The following TSPAN5 variants were observed in gnomAD, a reference collection of about 807,000 sequenced individuals.
The protein encoded by TSPAN5 is tetraspanin-5.
In TSPAN5, 10 loss-of-function variants were observed where a neutral mutation model predicts 37.1. That is an observed-to-expected ratio of 0.27 (90% CI 0.17 to 0.46). TSPAN5 has a LOEUF of 0.46. Among genes scored for constraint, TSPAN5 ranks in the 20% least tolerant of loss-of-function variants. The pLI, the probability that TSPAN5 is intolerant of heterozygous loss-of-function variation, is 1.00. For synonymous variants in TSPAN5, 110 were observed against 118.9 expected (o/e 0.93, Z 0.48); for missense variants, 195 against 326.6 (o/e 0.60, Z 3.11).
intron 1 of TSPAN5, among the ~76,000 whole-genome samples, chr4:98,579,595 C>T (rs545448611): frequency 6.9e-4 from 105 of 152,280 alleles, no homozygotes; most frequent in Admixed American, 1.8e-3. Context: ...ATTTTTCCCA[C>T]TAAAATTGTA....
chr4:98,527,032 T>G (rs1422175821), intron 1 of TSPAN5, among the ~76,000 whole-genome samples: 1 of 152,176 alleles, frequency 6.6e-6, no homozygotes. Flanking sequence ...TTTTGTACTG[T>G]TTTTTGCCTT....
At chr4:98,590,900 AG>A (rs748092081) in intron 1 of TSPAN5, among the ~76,000 whole-genome samples, 9 of 152,116 alleles carry the variant, frequency 5.9e-5, no homozygotes, top group Non-Finnish European at 8.8e-5. Context: ...CCATCCACAC[AG>A]GAACCTGAGA....
intron 1 of TSPAN5, among the ~76,000 whole-genome samples, chr4:98,643,647 C>T (rs540034665): frequency 1.1e-4 from 16 of 152,118 alleles, no homozygotes; most frequent in Non-Finnish European, 1.8e-4. Flanking sequence ...CAAATCTTCA[C>T]TGGACAGCAA....
chr4:98,545,705 T>C (rs1212244789), intron 1 of TSPAN5, among the ~76,000 whole-genome samples: 1 of 152,144 alleles, frequency 6.6e-6, no homozygotes, highest in Admixed American at 6.5e-5. Context: ...AATTTCTTTG[T>C]ATTTTTTGTA....
intron 1 of TSPAN5, among the ~76,000 whole-genome samples, chr4:98,536,472 G>A (rs1322689462): frequency 1.3e-5 from 2 of 152,190 alleles, no homozygotes; most frequent in African/African-American, 4.8e-5. Context: ...AGATACACAG[G>A]GGTCAGGGAC....
intron 1 of TSPAN5, among the ~76,000 whole-genome samples, chr4:98,512,079 G>A (rs1753618738): frequency 6.6e-6 from 1 of 152,140 alleles, no homozygotes; most frequent in African/African-American, 2.4e-5. Flanking sequence ...TGGACGTGGT[G>A]GTGCACACCT....
intron 1 of TSPAN5, among the ~76,000 whole-genome samples, chr4:98,559,589 T>C (rs960219744): frequency 1.6e-4 from 24 of 152,188 alleles, no homozygotes; most frequent in Non-Finnish European, 4.4e-5. Flanking sequence ...TTTCCTTGAA[T>C]TACTTTAATA....
Position 98,658,277 on chromosome 4 carries a change from G to A in TSPAN5, c.-51C>T, listed in dbSNP as rs372103731. 765 of 1,473,676 alleles carry A rather than the reference G, an allele frequency of 5.2e-4. No individual in the cohort carries two copies. The highest frequency in any genetic ancestry group is 6.5e-4 in the Non-Finnish European group (688 of 1,052,204). The allele number at this position is 1,473,676 out of a possible 1,614,324, so 91.3% of individuals were successfully genotyped here. On this transcript the variant is annotated 5_prime_UTR_variant, in exon 1 of 8. Coordinates refer to ENST00000305798, the MANE Select transcript of TSPAN5 (RefSeq NM_005723.4). ...CCCGGCAGCCCGAGTTTGGAGCTCC[G>A]AAGCACCGTTGCTCGGAGCAGCCCG...
intron 1 of TSPAN5, among the ~76,000 whole-genome samples, chr4:98,624,878 T>C (rs1216242731): frequency 6.6e-6 from 1 of 151,856 alleles, no homozygotes; most frequent in Non-Finnish European, 1.5e-5. Context: ...TGATCATAAA[T>C]ACACAAGACT....
chr4:98,649,230 T>G (rs960280930), intron 1 of TSPAN5, among the ~76,000 whole-genome samples: 5 of 152,150 alleles, frequency 3.3e-5, no homozygotes, highest in African/African-American at 1.2e-4. Context: ...CAAGCTTTTC[T>G]GGAGGAAAGA....
chr4:98,576,210 C>T (rs1755233523), intron 1 of TSPAN5, among the ~76,000 whole-genome samples: 1 of 151,820 alleles, frequency 6.6e-6, no homozygotes, highest in South Asian at 2.1e-4. Context: ...TTCCTCTTTC[C>T]CCCTCAATTC....
intron 1 of TSPAN5, among the ~76,000 whole-genome samples, chr4:98,656,610 T>G (rs1178805452): frequency 1.3e-5 from 2 of 152,190 alleles, no homozygotes; most frequent in East Asian, 3.9e-4. Flanking sequence ...GGTGGGTGAC[T>G]GCTCCCGGGA....
At chr4:98,553,406 T>C (rs968822090) in intron 1 of TSPAN5, among the ~76,000 whole-genome samples, 1 of 152,188 alleles carries the variant, frequency 6.6e-6, no homozygotes, top group Non-Finnish European at 1.5e-5. Flanking sequence ...TACAGAAAAT[T>C]AGAACAAAAA....
chr4:98,585,346 G>C (rs1376527398), intron 1 of TSPAN5, among the ~76,000 whole-genome samples: 2 of 151,526 alleles, frequency 1.3e-5, no homozygotes, highest in Admixed American at 1.3e-4. Context: ...GTCTTGCTCT[G>C]TCACACAGAC....
At chr4:98,583,414 C>T (rs148662352) in intron 1 of TSPAN5, among the ~76,000 whole-genome samples, 10 of 152,226 alleles carry the variant, frequency 6.6e-5, no homozygotes, top group Admixed American at 6.5e-4. Context: ...CTCCTCCCAC[C>T]CTCCACCCTC....
At chr4:98,590,207 T>C (rs1396382058) in intron 1 of TSPAN5, among the ~76,000 whole-genome samples, 1 of 152,146 alleles carries the variant, frequency 6.6e-6, no homozygotes, top group Non-Finnish European at 1.5e-5. Context: ...ATAAAATGAA[T>C]AGGGTGCTGC....
rs1352780258 is a variant in TSPAN5 at position 98,656,678 on chromosome 4, C to A, written c.81+1468G>T. Among the ~76,000 whole-genome samples, 4 of 152,318 alleles carry A rather than the reference C, an allele frequency of 2.6e-5. No homozygotes were observed. The East Asian group carries it at 7.7e-4, about 29-fold the overall frequency. On this transcript the variant is annotated intron_variant, in intron 1 of 7. Coordinates refer to ENST00000305798, the MANE Select transcript of TSPAN5 (RefSeq NM_005723.4). ...GGAATGATCGGATATGACATCCATT[C>A]ATGTGTCCCCTCATTATCTTTATTA...
chr4:98,489,588 G>A (rs1266226054), intron 2 of TSPAN5, among the ~76,000 whole-genome samples: 1 of 152,148 alleles, frequency 6.6e-6, no homozygotes, highest in Non-Finnish European at 1.5e-5. Flanking sequence ...GTCCACCACT[G>A]CTGATTGCCG....
chr4:98,634,208 A>G (rs1756806862), intron 1 of TSPAN5, among the ~76,000 whole-genome samples: 1 of 152,230 alleles, frequency 6.6e-6, no homozygotes, highest in Non-Finnish European at 1.5e-5. Flanking sequence ...TGGCAGCACA[A>G]GCAGGCAAAT....
Sources: gnomAD v4.1 joint callset for allele counts (sites outside exome capture counted in the v4.1 genomes callset) on GRCh38, gnomAD v4.1.1 for gene constraint, MANE v1.5 for transcripts, NCBI Gene and HGNC (gene_info 2026-07-23, HGNC 2026-07-21) for gene names.